Variants in GALNT3 observed in about 807,000 individuals in gnomAD.
GALNT3 encodes GalNAc transferase 3.
A neutral mutation model predicts 69.8 loss-of-function variants in GALNT3; 51 were observed. The ratio of observed to expected loss-of-function variants is 0.73; its 90% CI spans 0.58 to 0.92. GALNT3 has a LOEUF of 0.92. GALNT3 is among the 40% of genes least tolerant of loss of function. The pLI is 0.00. For synonymous variants in GALNT3, 265 were observed against 248.5 expected (o/e 1.07, Z -0.63); for missense variants, 711 against 760.0 (o/e 0.94, Z 0.76).
At position 165,770,127 on chromosome 2, in the gene GALNT3, C is replaced by T. The variant is rs781722795; in HGVS notation, c.515+59G>A. 2.5e-5 allele frequency: 40 copies of T among 1,596,946 alleles called. No individual in the cohort carries two copies. The African/African-American group carries it at 4.7e-4, about 19-fold the overall frequency. ...AAACAGATAACTTCCTTAGCTCACCCCTCTCTCCCCTGCAAAGCCTGGTGA... is the reference window on the plus strand; with the variant it reads ...AAACAGATAACTTCCTTAGCTCACCTCTCTCTCCCCTGCAAAGCCTGGTGA... On this transcript the variant is annotated intron_variant, in intron 2 of 10. Transcript: ENST00000392701.
rs114860159 is a variant in GALNT3 at position 165,789,370 on chromosome 2, C to T, written c.-109+4645G>A. On this transcript the variant is annotated intron_variant, in intron 1 of 10. Coordinates refer to ENST00000392701, the MANE Select transcript of GALNT3 (RefSeq NM_004482.4). ...CAAAAACACACGAGGCCAAGGCCCT[C>T]GTGACCTGATGACCTCCCAAAGACC... Among the ~76,000 whole-genome samples, 963 of 152,272 alleles carry T rather than the reference C, an allele frequency of 6.3e-3. 9 individuals are homozygous for T. The highest frequency in any genetic ancestry group is 0.022 in the African/African-American group (900 of 41,538).
chr2:165,757,311 A>AGTT, intron 6 of GALNT3, 64 bp from the exon 7 acceptor site: 1 of 1,508,152 alleles, frequency 6.6e-7, no homozygotes, highest in Non-Finnish European at 9.2e-7. Flanking sequence ...GTTGCTTTTA[A>AGTT]GTTCACCTTT....
chr2:165,750,275 A>C (rs1688335968), intron 9 of GALNT3, among the ~76,000 whole-genome samples: 1 of 152,166 alleles, frequency 6.6e-6, no homozygotes, highest in Non-Finnish European at 1.5e-5. Flanking sequence ...TGTTTTCACT[A>C]AACTAGGGAC....
At chr2:165,793,536 C>T (rs1456590736) in intron 1 of GALNT3, among the ~76,000 whole-genome samples, 1 of 152,192 alleles carries the variant, frequency 6.6e-6, no homozygotes, top group Non-Finnish European at 1.5e-5. Flanking sequence ...TGTTTGGGGT[C>T]CCCGGCTAGG....
intron 1 of GALNT3, among the ~76,000 whole-genome samples, chr2:165,792,929 AT>A (rs1363308653): frequency 3.9e-5 from 6 of 152,128 alleles, no homozygotes; most frequent in Non-Finnish European, 7.3e-5. Flanking sequence ...TCACTTTAAT[AT>A]TTTTTAGCTA....
At chr2:165,760,742 A>G (rs753602719) in intron 4 of GALNT3, among the ~76,000 whole-genome samples, 1 of 152,168 alleles carries the variant, frequency 6.6e-6, no homozygotes, top group Non-Finnish European at 1.5e-5. Context: ...CAAAACTAGT[A>G]ATTGGGTGAA....
chr2:165,778,274 G>A (rs1247891991), intron 1 of GALNT3, among the ~76,000 whole-genome samples: 2 of 152,194 alleles, frequency 1.3e-5, no homozygotes, highest in Non-Finnish European at 2.9e-5. Flanking sequence ...ATTCTGAGGA[G>A]TGATTTAGGT....
chr2:165,763,464 G>A (rs1214712707), intron 3 of GALNT3, among the ~76,000 whole-genome samples: 1 of 152,108 alleles, frequency 6.6e-6, no homozygotes, highest in Non-Finnish European at 1.5e-5. Flanking sequence ...CAGAGTAATA[G>A]ATTAACTTTT....
chr2:165,790,835 A>C (rs1285325315), intron 1 of GALNT3, among the ~76,000 whole-genome samples: 5 of 152,170 alleles, frequency 3.3e-5, no homozygotes, highest in African/African-American at 4.8e-5. Context: ...TTTCATAGTA[A>C]AAAAGAAAAG....
chr2:165,748,480 A>G lies in GALNT3; in HGVS notation c.*301T>C. ...ATGTAGCTATATATATATATCCCTA[A>G]GTGTACAAAACACACAAACATCACT... On this transcript the variant is annotated 3_prime_UTR_variant, in exon 11 of 11. Coordinates refer to ENST00000392701, the MANE Select transcript of GALNT3 (RefSeq NM_004482.4). 1 of 415,960 alleles carries G rather than the reference A, an allele frequency of 2.4e-6. No individual in the cohort carries two copies. Among genetic ancestry groups the G allele is most frequent in the South Asian group, 2.6e-5 (1 of 38,186 alleles). 25.8% of individuals were successfully genotyped at this position (415,960 alleles called of 1,614,324 possible).
At position 165,759,343 on chromosome 2, in the gene GALNT3, G is replaced by A; in HGVS notation, c.1066C>T (p.Pro356Ser). The change falls in exon 5 of 11, where the codon CCA (proline) becomes TCA (serine). Residue 356 changes from proline (P) to serine (S), a missense_variant. By Grantham distance (74) the Pro-to-Ser change is moderately conservative. Coordinates refer to ENST00000392701, the MANE Select transcript of GALNT3 (RefSeq NM_004482.4). ...TGAGAGCAATCATCTTACTTAATTGGGTAGGTTTCATCTTTCCTTCTTTGC... is the reference window on the plus strand; with the variant it reads ...TGAGAGCAATCATCTTACTTAATTGAGTAGGTTTCATCTTTCCTTCTTTGC... ...EKQRRKDETY[P>S]IKTPTFAGGL... The A allele has an allele frequency of 1.2e-6, 2 of 1,611,834 alleles. No homozygotes were observed. The highest frequency in any genetic ancestry group is 2.2e-5 in the South Asian group (2 of 90,942).
chr2:165,759,468 A>G lies in GALNT3; in HGVS notation c.941T>C (p.Phe314Ser). 1.9e-6 allele frequency: 3 copies of G among 1,614,084 alleles called. No homozygotes were observed. Among genetic ancestry groups the G allele is most frequent in the Middle Eastern group, 1.6e-4 (1 of 6,062 alleles). The change falls in exon 5 of 11, where the codon TTT becomes TCT. Residue 314 changes from phenylalanine to serine, a missense_variant. Transcript: ENST00000392701. The stretch of plus-strand genomic sequence containing the variant: ...ATAAGGAGAAGGTTTGTTGAATTCA[A>G]ACGTGTTCAGATCTATGGATGCAAT... ...PDIASIDLNT[F>S]EFNKPSPYGS...
intron 4 of GALNT3, among the ~76,000 whole-genome samples, chr2:165,761,498 C>T (rs1688545402): frequency 6.6e-6 from 1 of 151,988 alleles, no homozygotes; most frequent in African/African-American, 2.4e-5. Flanking sequence ...AGGAATGAGC[C>T]ACCACGCCCG....
Position 165,757,044 on chromosome 2 carries a change from T to C in GALNT3, c.1392+3A>G. The C allele has an allele frequency of 6.2e-7, 1 of 1,607,182 alleles. No individual in the cohort carries two copies. Among genetic ancestry groups the C allele is most frequent in the Non-Finnish European group, 8.5e-7 (1 of 1,173,904 alleles). Reference sequence around the variant, plus strand: ...GCAATTTAACTACTTAGCTTTAACTTACTTGTTTAACAATTTTTGCTGCAT... The same window carrying C: ...GCAATTTAACTACTTAGCTTTAACTCACTTGTTTAACAATTTTTGCTGCAT... On this transcript the variant is annotated splice_donor_region_variant and intron_variant, in intron 7 of 10. Transcript: ENST00000392701.
Position 165,770,280 on chromosome 2 carries a change from T to C in GALNT3, c.421A>G (p.Lys141Glu). 1.9e-6 allele frequency: 3 copies of C among 1,614,154 alleles called. No individual in the cohort carries two copies. Among genetic ancestry groups the C allele is most frequent in the Non-Finnish European group, 2.5e-6 (3 of 1,180,018 alleles). Residue 141 changes from lysine to glutamate, a missense_variant, in exon 2 of 11, where the codon AAG becomes GAG. By Grantham distance (56) the Lys-to-Glu change is moderately conservative. Transcript: ENST00000392701. ...CAGTGTTTAGCTTCCCCACGTTCCTTTTCCTTTTGCTCTTCAACACTTAAA... is the reference window on the plus strand; with the variant it reads ...CAGTGTTTAGCTTCCCCACGTTCCTCTTCCTTTTGCTCTTCAACACTTAAA... ...TNLSVEEQKE[K>E]ERGEAKHCFN...
chr2:165,770,893 C>T (rs1257227353), intron 1 of GALNT3, 85 bp from the exon 2 acceptor site: 1 of 537,394 alleles, frequency 1.9e-6, no homozygotes, highest in South Asian at 3.0e-5. Context: ...AACAACTGAA[C>T]ATAAGCTACC....
At chr2:165,750,014 A>G in intron 9 of GALNT3, 120 bp from the exon 10 acceptor site, 1 of 915,778 alleles carries the variant, frequency 1.1e-6, no homozygotes, top group Non-Finnish European at 1.8e-6. Flanking sequence ...AAAATAATAC[A>G]ATAAAAATAG....
At chr2:165,787,425 G>C (rs987598688) in intron 1 of GALNT3, among the ~76,000 whole-genome samples, 17 of 152,252 alleles carry the variant, frequency 1.1e-4, no homozygotes, top group African/African-American at 4.1e-4. Flanking sequence ...TTATCTTAAG[G>C]GCCATGAAGG....
chr2:165,787,638 C>T (rs1292159089), intron 1 of GALNT3, among the ~76,000 whole-genome samples: 1 of 152,146 alleles, frequency 6.6e-6, no homozygotes, highest in Admixed American at 6.5e-5. Context: ...GTAAAACTTA[C>T]AGAACTTGGC....
Sources: allele counts gnomAD v4.1 joint callset (sites outside exome capture counted in the v4.1 genomes callset), GRCh38; gene constraint gnomAD v4.1.1; transcripts MANE v1.5; gene names NCBI Gene and HGNC (gene_info 2026-07-23, HGNC 2026-07-21).